PEPD: variants seen among roughly 807,000 people sequenced by gnomAD.
PEPD encodes the protein peptidase D.
PEPD carries 53 observed loss-of-function variants against 60.7 expected under a neutral mutation model. The ratio of observed to expected loss-of-function variants is 0.87; its 90% CI spans 0.70 to 1.10. The LOEUF (loss-of-function observed/expected upper bound fraction) is 1.10, where lower values mean the gene tolerates loss of function less well. PEPD is among the 50% of genes least tolerant of loss of function. PEPD has a pLI of 0.00. For synonymous variants in PEPD, 267 were observed against 284.1 expected, an observed-to-expected ratio of 0.94 and a Z score of 0.60; for missense variants, 711 against 711.9, an observed-to-expected ratio of 1.00 and a Z score of 0.01.
intron 9 of PEPD, among the ~76,000 whole-genome samples, chr19:33,433,880 G>A (rs926473805): frequency 6.6e-6 from 1 of 152,216 alleles, no homozygotes; most frequent in Non-Finnish European, 1.5e-5. Context: ...CAGGAGCAAT[G>A]CTTGGCCATT....
At chr19:33,517,536 G>T (rs1971045568) in intron 1 of PEPD, among the ~76,000 whole-genome samples, 1 of 151,630 alleles carries the variant, frequency 6.6e-6, no homozygotes, top group Non-Finnish European at 1.5e-5. Flanking sequence ...TCCAGCCTGG[G>T]TGAAAGAGCA....
intron 9 of PEPD, among the ~76,000 whole-genome samples, chr19:33,419,814 C>T (rs957222874): frequency 2.6e-5 from 4 of 151,884 alleles, no homozygotes; most frequent in African/African-American, 7.2e-5. Context: ...AAGTCCTGGG[C>T]GAAGGAGCCC....
In PEPD at chr19:33,521,790, G is replaced by A. The variant is rs773055268; in HGVS notation, c.-30C>T. On this transcript the variant is annotated 5_prime_UTR_variant, in exon 1 of 15. Coordinates refer to ENST00000244137, the MANE Select transcript of PEPD (RefSeq NM_000285.4). The stretch of plus-strand genomic sequence containing the variant: ...GCCCGGCACCGGCGTCACGTGAAGT[G>A]CGGCGTCAGCTGAGCCCCTCCGGGT... The A allele has an allele frequency of 6.4e-6, 10 of 1,561,466 alleles. No homozygotes were observed. The highest frequency in any genetic ancestry group is 8.6e-6 in the Non-Finnish European group (10 of 1,158,394).
intron 7 of PEPD, among the ~76,000 whole-genome samples, chr19:33,473,246 CCTATTCA>C (rs1970158495): frequency 6.6e-6 from 1 of 152,254 alleles, no homozygotes; most frequent in Middle Eastern, 3.4e-3. Context: ...GGGTTAAATG[CCTATTCA>C]TGAGGACACA....
chr19:33,507,416 A>G (rs889902416), intron 3 of PEPD, among the ~76,000 whole-genome samples: 3 of 152,090 alleles, frequency 2.0e-5, no homozygotes, highest in African/African-American at 7.2e-5. Flanking sequence ...CACCCTCCCC[A>G]TCCCAGAACA....
At chr19:33,407,058 T>C (rs929331660) in intron 11 of PEPD, among the ~76,000 whole-genome samples, 1 of 152,166 alleles carries the variant, frequency 6.6e-6, no homozygotes, top group African/African-American at 2.4e-5. Context: ...GCCCACCAGC[T>C]GCATCCCGAC....
intron 3 of PEPD, among the ~76,000 whole-genome samples, chr19:33,506,390 A>G (rs1970811050): frequency 7.4e-6 from 1 of 134,910 alleles, no homozygotes; most frequent in African/African-American, 2.9e-5. Context: ...CACCTTACAC[A>G]CCACTCACAC....
At chr19:33,498,229 G>C (rs3786918) in intron 4 of PEPD, among the ~76,000 whole-genome samples, 14,042 of 152,196 alleles carry the variant, frequency 0.092, 675 homozygotes, top group East Asian at 0.15. Context: ...CAATGGCAGT[G>C]GCGTTGACGG....
chr19:33,489,485 C>T (rs1459500220), intron 6 of PEPD, among the ~76,000 whole-genome samples: 3 of 152,030 alleles, frequency 2.0e-5, no homozygotes, highest in Admixed American at 6.6e-5. Context: ...AAAAATTAGC[C>T]GGGTGTAGTG....
chr19:33,508,062 G>A (rs1403935762), intron 3 of PEPD, among the ~76,000 whole-genome samples: 3 of 151,724 alleles, frequency 2.0e-5, no homozygotes, highest in African/African-American at 7.3e-5. Flanking sequence ...CCCCAGGTGG[G>A]GCCCTGTTTA....
At chr19:33,410,620 C>T (rs931470661) in intron 11 of PEPD, among the ~76,000 whole-genome samples, 2 of 152,172 alleles carry the variant, frequency 1.3e-5, no homozygotes, top group African/African-American at 2.4e-5. Context: ...GATGGGAAGG[C>T]GGAGGCAGCC....
chr19:33,488,080 G>A (rs1055473734), intron 6 of PEPD, among the ~76,000 whole-genome samples: 7 of 152,052 alleles, frequency 4.6e-5, no homozygotes, highest in African/African-American at 9.7e-5. Context: ...GTCCAGGGGG[G>A]CTCAGCATTC....
In PEPD at chr19:33,411,656, C is replaced by T. The variant is rs991529856; in HGVS notation, c.818+16G>A. 20 of 1,509,580 alleles carry T rather than the reference C, an allele frequency of 1.3e-5. No individual in the cohort carries two copies. Among genetic ancestry groups the T allele is most frequent in the East Asian group, 6.8e-5 (3 of 44,382 alleles). 93.5% of individuals were successfully genotyped at this position (1,509,580 alleles called of 1,614,324 possible). On this transcript the variant is annotated intron_variant, in intron 11 of 14. Coordinates refer to ENST00000244137, the MANE Select transcript of PEPD (RefSeq NM_000285.4). Reference sequence around the variant, plus strand: ...GGCTGTTCACACACAGAGCCAGGGCCGCTGGCCCTACTTACCACATATCCC... The same window carrying T: ...GGCTGTTCACACACAGAGCCAGGGCTGCTGGCCCTACTTACCACATATCCC...
chr19:33,467,503 C>A (rs1292163710), intron 7 of PEPD, among the ~76,000 whole-genome samples: 1 of 152,066 alleles, frequency 6.6e-6, no homozygotes, highest in East Asian at 1.9e-4. Context: ...GTAGAGAGAG[C>A]AGGGCCCCAT....
At chr19:33,430,426 C>A (rs1386411506) in intron 9 of PEPD, among the ~76,000 whole-genome samples, 1 of 152,088 alleles carries the variant, frequency 6.6e-6, no homozygotes, top group Admixed American at 6.6e-5. Context: ...TGATGCAGCC[C>A]CAGTGTGCCC....
chr19:33,400,286 TGGGGCCTGTGTGCTGAGGGC>T (rs1431853568), intron 12 of PEPD, among the ~76,000 whole-genome samples: 1 of 152,210 alleles, frequency 6.6e-6, no homozygotes, highest in Admixed American at 6.5e-5. Flanking sequence ...AGAAGGTGGC[TGGGGCCTGTGTGCTGAGGGC>T]GGGCCCTGGC....
rs777949149 is a variant in PEPD at position 33,388,057 on chromosome 19, C to T, written c.1177G>A (p.Gly393Ser). ...PEGVERIDEPGLRSLRTARHL... is the reference protein window; with the variant it reads ...PEGVERIDEPSLRSLRTARHL... ...CGTGCAGTGCGCAGGCTCCGCAGGC[C>T]GGGCTCGTCGATGCGCTCCACGCCC... The change falls in exon 14 of 15, where the codon GGC (glycine) becomes AGC (serine). Residue 393 changes from glycine to serine, a missense_variant. Gly to Ser is a moderately conservative substitution (Grantham distance 56). Transcript: ENST00000244137. The T allele has an allele frequency of 1.0e-5, 16 of 1,552,812 alleles. No individual in the cohort carries two copies. Among genetic ancestry groups the T allele is most frequent in the South Asian group, 7.1e-5 (6 of 84,432 alleles).
intron 1 of PEPD, among the ~76,000 whole-genome samples, chr19:33,521,491 C>CGGTGGGGCCGCCAGACGCGGGCA (rs1318285771): frequency 2.0e-5 from 3 of 152,236 alleles, no homozygotes; most frequent in Admixed American, 6.5e-5. Context: ...CAGCCGCACA[C>CGGTGGGGCCGCCAGACGCGGGCA]GGTGGGGCCG....
intron 9 of PEPD, among the ~76,000 whole-genome samples, chr19:33,457,695 A>C (rs1969829627): frequency 6.6e-6 from 1 of 152,218 alleles, no homozygotes; most frequent in African/African-American, 2.4e-5. Context: ...TATTTTTAGT[A>C]GAGACGCGGT....
Sources: gnomAD v4.1 joint callset for allele counts (sites outside exome capture counted in the v4.1 genomes callset) on GRCh38, gnomAD v4.1.1 for gene constraint, MANE v1.5 for transcripts, NCBI Gene and HGNC (gene_info 2026-07-23, HGNC 2026-07-21) for gene names.